The following TSPAN32 variants were observed in gnomAD, a reference collection of about 807,000 sequenced individuals.
TSPAN32 encodes tetraspanin 32, also known as tetraspanin-32.
A neutral mutation model predicts 42.7 loss-of-function variants in TSPAN32; 47 were observed. That is an observed-to-expected ratio of 1.10 (90% CI 0.87 to 1.40). The LOEUF (loss-of-function observed/expected upper bound fraction) is 1.40. TSPAN32 is among the 40% of genes most tolerant of loss of function. The pLI, the probability that TSPAN32 is intolerant of heterozygous loss-of-function variation, is 0.00. For synonymous variants in TSPAN32, 175 were observed against 175.9 expected (o/e 0.99, Z 0.04); for missense variants, 469 against 424.1 (o/e 1.11, Z -0.93).
At chr11:2,315,997 C>T in intron 6 of TSPAN32, 13 of 1,533,836 alleles carry the variant, frequency 8.5e-6, no homozygotes, top group African/African-American at 1.4e-5. Context: ...CGGCCGGGCC[C>T]AGGGCAGTGC....
In TSPAN32 at chr11:2,317,999, T is replaced by A. The variant is rs1848902904; in HGVS notation, c.*75T>A. 9.7e-6 allele frequency: 7 copies of A among 721,396 alleles called. No homozygotes were observed. The highest frequency in any genetic ancestry group is 1.8e-5 in the Non-Finnish European group (7 of 397,864). 44.7% of individuals were successfully genotyped at this position (721,396 alleles called of 1,614,324 possible). A position where few individuals can be genotyped will look rare whatever the true frequency, so the allele number is the denominator to read the frequency against. On this transcript the variant is annotated 3_prime_UTR_variant, in exon 10 of 10. Coordinates refer to ENST00000182290, the MANE Select transcript of TSPAN32 (RefSeq NM_139022.3). The surrounding 1 kb of genome is among the most constrained non-coding windows in gnomAD (Gnocchi z 6.2). ...TCTGCCTCCAGGACCATTCAGGCTG[T>A]TGACAAGTCAACTCCTCATGGCTGT... is the stretch of plus-strand genomic sequence containing the variant.
At position 2,317,917 on chromosome 11, in the gene TSPAN32, C is replaced by A; in HGVS notation, c.956C>A (p.Ser319Ter). The part of the protein sequence containing the change: ...GLSGCPERGL[S>*]D ...AGTGGGTGCCCTGAGCGGGGTCTCT[C>A]AGACTGACGTCAGGCCTTGGTGGGC... The change falls in exon 10 of 10, where the codon TCA (serine) becomes TAA (stop). Residue 319 changes from serine (S) to a stop codon, truncating the protein, a stop_gained. Coordinates refer to ENST00000182290, the MANE Select transcript of TSPAN32 (RefSeq NM_139022.3). LOFTEE classifies it high-confidence loss of function. The surrounding 1 kb of genome is among the most constrained non-coding windows in gnomAD (Gnocchi z 6.2). 1 of 1,107,808 alleles carries A rather than the reference C, an allele frequency of 9.0e-7. No homozygotes were observed. The highest frequency in any genetic ancestry group is 1.4e-6 in the Non-Finnish European group (1 of 718,084). 68.6% of individuals were successfully genotyped at this position (1,107,808 alleles called of 1,614,324 possible). A position where few individuals can be genotyped will look rare whatever the true frequency, so the allele number is the denominator to read the frequency against.
rs1847850376 is a variant in TSPAN32, at chr11:2,302,962, A to G, written c.181+4A>G. On this transcript the variant is annotated splice_donor_region_variant and intron_variant, in intron 2 of 9. Transcript: ENST00000182290. ...TACCAGGCTGTGCACCAATGGGGTA[A>G]GTGAGGTCCAGGCCTGGCTGCATCG... 6.2e-7 allele frequency: 1 copy of G among 1,612,170 alleles called. No homozygotes were observed. The highest frequency in any genetic ancestry group is 1.7e-5 in the Admixed American group (1 of 59,952).
At chr11:2,310,933 C>T (rs1192848662) in intron 4 of TSPAN32, among the ~76,000 whole-genome samples, 3 of 152,142 alleles carry the variant, frequency 2.0e-5, no homozygotes, top group Admixed American at 6.5e-5. Context: ...CCACCAGAGC[C>T]GAATGGGCTT....
intron 3 of TSPAN32, among the ~76,000 whole-genome samples, chr11:2,305,293 G>T (rs1481951430): frequency 6.6e-6 from 1 of 151,920 alleles, no homozygotes; most frequent in Admixed American, 6.6e-5. Flanking sequence ...CATGGGCAGG[G>T]ACAACCCCGG....
At chr11:2,315,795 G>T in intron 6 of TSPAN32, 2 of 1,310,288 alleles carry the variant, frequency 1.5e-6, no homozygotes, top group Non-Finnish European at 2.0e-6. Context: ...GGGACTGTGC[G>T]GGGACCCCCC....
Position 2,316,244 on chromosome 11 carries a change from A to T in TSPAN32, c.559A>T (p.Ile187Phe). Residue 187 changes from isoleucine (I) to phenylalanine (F), a missense_variant, in exon 7 of 10, where the codon ATC (isoleucine) becomes TTC (phenylalanine). Coordinates refer to ENST00000182290, the MANE Select transcript of TSPAN32 (RefSeq NM_139022.3). Reference sequence around the variant, plus strand: ...CCTCTCACAGGACTGCCTTCAGGGCATCCGGAGCTTCCTGAGGACACACCA... The same window carrying T: ...CCTCTCACAGGACTGCCTTCAGGGCTTCCGGAGCTTCCTGAGGACACACCA... ...EAAREDCLQG[I>F]RSFLRTHQQV... The T allele has an allele frequency of 6.3e-7, 1 of 1,594,256 alleles. No homozygotes were observed. The highest frequency in any genetic ancestry group is 1.7e-5 in the Admixed American group (1 of 58,002).
Position 2,317,884 on chromosome 11 carries a change from G to A in TSPAN32, c.923G>A (p.Gly308Asp), listed in dbSNP as rs528104106. The A allele has an allele frequency of 1.3e-5, 19 of 1,427,186 alleles. No homozygotes were observed. The highest frequency in any genetic ancestry group is 1.9e-5 in the Non-Finnish European group (19 of 1,009,780). The allele number at this position is 1,427,186 out of a possible 1,614,324, so 88.4% of individuals were successfully genotyped here. ...GCAGCTCTCCAGGGCAGAAGTCGCG[G>A]TGGGCTCAGTGGGTGCCCTGAGCGG... ...AHRALQGRSR[G>D]GLSGCPERGL... Residue 308 changes from glycine (G) to aspartate (D), a missense_variant, in exon 10 of 10, where the codon GGT becomes GAT. Coordinates refer to ENST00000182290, the MANE Select transcript of TSPAN32 (RefSeq NM_139022.3). The surrounding 1 kb of genome is among the most constrained non-coding windows in gnomAD (Gnocchi z 6.2).
intron 6 of TSPAN32, chr11:2,315,981 C>G (rs181476436): frequency 6.5e-7 from 1 of 1,531,290 alleles, no homozygotes; most frequent in Non-Finnish European, 8.8e-7. Flanking sequence ...AGCTGGGAGA[C>G]GGCACCGGCC....
intron 6 of TSPAN32, chr11:2,315,379 C>T: frequency 8.8e-7 from 1 of 1,138,104 alleles, no homozygotes; most frequent in Non-Finnish European, 1.1e-6. Context: ...TGGGGAGGGA[C>T]CAGCGGCATT....
Position 2,311,095 on chromosome 11 carries a change from C to T in TSPAN32, c.354+2285C>T, listed in dbSNP as rs1353738659. ...CCATTCACCCATTCCCCCTGTCCCTCCCCACAGGGCCACTGAGGTGTCCTG... is the reference window on the plus strand; with the variant it reads ...CCATTCACCCATTCCCCCTGTCCCTTCCCACAGGGCCACTGAGGTGTCCTG... On this transcript the variant is annotated intron_variant, in intron 4 of 9. Coordinates refer to ENST00000182290, the MANE Select transcript of TSPAN32 (RefSeq NM_139022.3). Among the ~76,000 whole-genome samples, 16 of 152,330 alleles carry T rather than the reference C, an allele frequency of 1.1e-4. No individual in the cohort carries two copies. The East Asian group carries it at 2.7e-3, about 26-fold the overall frequency.
At chr11:2,303,276 AGGCAGGCCTGGGACT>A (rs1261331455) in intron 2 of TSPAN32, 4 of 237,166 alleles carry the variant, frequency 1.7e-5, no homozygotes, top group Admixed American at 5.4e-5. Context: ...GCTCAGTCCC[AGGCAGGCCTGGGACT>A]GGCCTGGGGC....
chr11:2,313,659 G>A lies in TSPAN32; in HGVS notation c.360G>A (p.Glu120=), dbSNP rs367966944. The A allele has an allele frequency of 1.1e-5, 17 of 1,603,626 alleles. No individual in the cohort carries two copies. Among genetic ancestry groups the A allele is most frequent in the Admixed American group, 1.0e-4 (6 of 58,866 alleles). ...CCTGTGGTCTCTCGGTGCAGGTGGA[G>A]GACGCCATGCTGGACACCTACGACC... ...FWRLHSPTQV[E]DAMLDTYDLV... is the part of the protein sequence containing the mutation. Residue 120 remains glutamate, a synonymous_variant, in exon 5 of 10, where the codon GAG becomes GAA. Coordinates refer to ENST00000182290, the MANE Select transcript of TSPAN32 (RefSeq NM_139022.3). This position sits in a 1 kb window ranked among gnomAD's most constrained non-coding sequence, Gnocchi z 9.1.
In TSPAN32 at chr11:2,317,525, GGTGAAGACGCCCCT is replaced by G. The variant is rs1222878889; in HGVS notation, c.901+2_901+15del. 1.2e-5 allele frequency: 19 copies of G among 1,576,018 alleles called. No homozygotes were observed. The highest frequency in any genetic ancestry group is 1.6e-5 in the Non-Finnish European group (19 of 1,163,718). On this transcript the variant is annotated splice_donor_variant and splice_donor_5th_base_variant and intron_variant, in intron 9 of 9. Coordinates refer to ENST00000182290, the MANE Select transcript of TSPAN32 (RefSeq NM_139022.3). LOFTEE classifies it high-confidence loss of function. The surrounding 1 kb of genome is among the most constrained non-coding windows in gnomAD (Gnocchi z 6.2). ...CTCCTGCCACCTGGCTGCCCACAGA[GGTGAAGACGCCCCT>G]GCTGTCAGCCCTCATGGGATCCCTG...
At chr11:2,309,446 G>A in intron 4 of TSPAN32, 2 of 442,966 alleles carry the variant, frequency 4.5e-6, no homozygotes, top group Non-Finnish European at 9.3e-6. Context: ...GGCCTCCCTG[G>A]CCCAGCAGAG....
chr11:2,313,320 G>A lies in TSPAN32; in HGVS notation c.355-334G>A, dbSNP rs117409374. On this transcript the variant is annotated intron_variant, in intron 4 of 9. Transcript: ENST00000182290. This position sits in a 1 kb window ranked among gnomAD's most constrained non-coding sequence, Gnocchi z 9.1. The stretch of plus-strand genomic sequence containing the variant: ...CCCCCATTTCCGGGTCAACAGTAGC[G>A]TGCTGGAAACTTCTGTGGGCCAACC... Among the ~76,000 whole-genome samples, 20 of 152,300 alleles carry A rather than the reference G, an allele frequency of 1.3e-4. No individual in the cohort carries two copies. The East Asian group carries it at 2.1e-3, about 16-fold the overall frequency.
At chr11:2,308,965 G>A (rs1848304366) in intron 4 of TSPAN32, among the ~76,000 whole-genome samples, 155 bp downstream of exon 4, 1 of 152,004 alleles carries the variant, frequency 6.6e-6, no homozygotes, top group Non-Finnish European at 1.5e-5. Context: ...GGTTCCCTCT[G>A]CCTGAGGCTT....
chr11:2,315,798 G>T (rs1334023029), intron 6 of TSPAN32: 6 of 1,314,674 alleles, frequency 4.6e-6, no homozygotes, highest in South Asian at 1.2e-5. Flanking sequence ...ACTGTGCGGG[G>T]ACCCCCCTCA....
chr11:2,313,864 G>T lies in TSPAN32; in HGVS notation c.456+109G>T, dbSNP rs1000126797. The T allele has an allele frequency of 3.4e-5, 30 of 886,874 alleles. No homozygotes were observed. The highest frequency in any genetic ancestry group is 4.2e-5 in the Non-Finnish European group (24 of 575,694). The allele number at this position is 886,874 out of a possible 1,614,324, so 54.9% of individuals were successfully genotyped here. On this transcript the variant is annotated intron_variant, in intron 5 of 9. Transcript: ENST00000182290. The surrounding 1 kb of genome is among the most constrained non-coding windows in gnomAD (Gnocchi z 9.1). ...AGAGGTCTGGCCAGGCACCGAGGGGGTTCCAGGACACAGGCCAGAGTTGCC... is the reference window on the plus strand; with the variant it reads ...AGAGGTCTGGCCAGGCACCGAGGGGTTTCCAGGACACAGGCCAGAGTTGCC...
Sources: allele counts gnomAD v4.1 joint callset (sites outside exome capture counted in the v4.1 genomes callset), GRCh38; gene constraint gnomAD v4.1.1; non-coding constraint Gnocchi (gnomAD v3.1); transcripts MANE v1.5; gene names NCBI Gene and HGNC (gene_info 2026-07-23, HGNC 2026-07-21).